Variants in AKNAD1 observed in about 807,000 individuals in gnomAD.
AKNAD1 encodes protein AKNAD1.
A neutral mutation model predicts 90.8 loss-of-function variants in AKNAD1; 67 were observed. The ratio of observed to expected loss-of-function variants is 0.74; its 90% CI spans 0.61 to 0.90. AKNAD1 has a LOEUF of 0.90. AKNAD1 is among the 40% of genes least tolerant of loss of function. The pLI is 0.00. For synonymous variants in AKNAD1, 327 were observed against 341.4 expected (o/e 0.96, Z 0.46); for missense variants, 957 against 975.4 (o/e 0.98, Z 0.25).
chr1:108,830,518 C>G, intron 10 of AKNAD1, 41 bp downstream of exon 10: 1 of 1,596,244 alleles, frequency 6.3e-7, no homozygotes, highest in Non-Finnish European at 8.6e-7. Flanking sequence ...CCAGGACTGA[C>G]TCCAATCCAC....
chr1:108,833,902 T>C (rs1181389927), intron 9 of AKNAD1, among the ~76,000 whole-genome samples: 1 of 151,980 alleles, frequency 6.6e-6, no homozygotes, highest in Non-Finnish European at 1.5e-5. Flanking sequence ...AAACTACTCT[T>C]CCTCTGCAAA....
chr1:108,835,032 G>A lies in AKNAD1; in HGVS notation c.1561C>T (p.Pro521Ser). ...CCACCTGAGCCTCGAGGCCCAGAAG[G>A]GTGGCCGGGGTGCTCCTTGGGAATC... ...NEIPKEHPGH[P>S]SGPRGSGGSE... is the part of the protein sequence containing the mutation. Residue 521 changes from proline to serine, a missense_variant, in exon 8 of 16, where the codon CCT becomes TCT. Pro to Ser is a moderately conservative substitution (Grantham distance 74, BLOSUM62 -1). Coordinates refer to ENST00000370001, the MANE Select transcript of AKNAD1 (RefSeq NM_152763.5). 1 of 1,572,482 alleles carries A rather than the reference G, an allele frequency of 6.4e-7. No homozygotes were observed. The highest frequency in any genetic ancestry group is 8.6e-7 in the Non-Finnish European group (1 of 1,165,216).
At chr1:108,853,655 C>T (rs932706894) in intron 1 of AKNAD1, among the ~76,000 whole-genome samples, 3 of 151,644 alleles carry the variant, frequency 2.0e-5, no homozygotes, top group South Asian at 2.1e-4. Context: ...ACCAAGGGGC[C>T]GGGCACGGTG....
intron 10 of AKNAD1, among the ~76,000 whole-genome samples, chr1:108,828,987 T>C (rs1036600067): frequency 2.6e-5 from 4 of 151,854 alleles, no homozygotes; most frequent in Non-Finnish European, 5.9e-5. Flanking sequence ...ATATTTTACA[T>C]TTTATACATA....
chr1:108,829,488 A>T (rs1664113935), intron 10 of AKNAD1, among the ~76,000 whole-genome samples: 2 of 152,230 alleles, frequency 1.3e-5, no homozygotes, highest in African/African-American at 4.8e-5. Context: ...TAAAAATAGT[A>T]GGCCTGGGAT....
chr1:108,837,747 G>A (rs1211385844), intron 6 of AKNAD1, 41 bp from the exon 7 acceptor site: 1 of 1,599,308 alleles, frequency 6.3e-7, no homozygotes, highest in Non-Finnish European at 8.5e-7. Context: ...TGGGCTATGT[G>A]GTTGGCATTC....
intron 13 of AKNAD1, among the ~76,000 whole-genome samples, chr1:108,821,686 A>G (rs1663816931): frequency 6.6e-6 from 1 of 152,214 alleles, no homozygotes; most frequent in African/African-American, 2.4e-5. Flanking sequence ...ATTATGTTAC[A>G]AAGACAATTC....
intron 13 of AKNAD1, among the ~76,000 whole-genome samples, chr1:108,821,048 C>T: frequency 6.6e-6 from 1 of 152,184 alleles, no homozygotes; most frequent in East Asian, 1.9e-4. Context: ...GATCACATCA[C>T]TGCCCTCCAG....
intron 14 of AKNAD1, among the ~76,000 whole-genome samples, chr1:108,819,566 GC>G (rs1663744252): frequency 6.6e-6 from 1 of 151,858 alleles, no homozygotes; most frequent in Non-Finnish European, 1.5e-5. Context: ...GCTGCAGTGA[GC>G]CAAGATTGCA....
At chr1:108,854,369 T>C (rs1280960536) in intron 1 of AKNAD1, among the ~76,000 whole-genome samples, 2 of 152,172 alleles carry the variant, frequency 1.3e-5, no homozygotes, top group Non-Finnish European at 2.9e-5. Context: ...GCCCATACAA[T>C]GATTATGTTG....
chr1:108,837,857 T>C, intron 6 of AKNAD1, 151 bp from the exon 7 acceptor site: 2 of 852,576 alleles, frequency 2.3e-6, no homozygotes, highest in Non-Finnish European at 3.7e-6. Flanking sequence ...TGACTGTTCA[T>C]AGTTTCTCTG....
chr1:108,852,804 T>C (rs1337688926), intron 1 of AKNAD1, 37 bp from the exon 2 acceptor site: 1 of 712,260 alleles, frequency 1.4e-6, no homozygotes, highest in Non-Finnish European at 2.1e-6. Flanking sequence ...GTTAAATATA[T>C]TGGAATAATG....
chr1:108,834,900 T>C (rs1664331667), intron 8 of AKNAD1, 29 bp downstream of exon 8: 1 of 1,509,456 alleles, frequency 6.6e-7, no homozygotes, highest in East Asian at 2.5e-5. Flanking sequence ...GTGTCCTGTG[T>C]CTGCTGGGGC....
chr1:108,851,090 G>T (rs1664842890), intron 2 of AKNAD1, among the ~76,000 whole-genome samples: 2 of 152,220 alleles, frequency 1.3e-5, no homozygotes, highest in African/African-American at 4.8e-5. Context: ...TTAGGCAATG[G>T]AAAGGCGAAG....
chr1:108,830,527 A>G (rs778045627), intron 10 of AKNAD1, 32 bp downstream of exon 10: 7 of 1,606,178 alleles, frequency 4.4e-6, no homozygotes, highest in African/African-American at 4.0e-5. Context: ...ACTCCAATCC[A>G]CCCTGGGAAT....
intron 14 of AKNAD1, among the ~76,000 whole-genome samples, chr1:108,817,706 C>T (rs368698318): frequency 1.3e-5 from 2 of 151,336 alleles, no homozygotes; most frequent in Non-Finnish European, 2.9e-5. Flanking sequence ...GGGGTTTCAC[C>T]GTGTTAGCCA....
At chr1:108,856,443 T>C (rs1665043728) in intron 1 of AKNAD1, among the ~76,000 whole-genome samples, 2 of 152,124 alleles carry the variant, frequency 1.3e-5, no homozygotes, top group Non-Finnish European at 2.9e-5. Flanking sequence ...CTCATGCCTG[T>C]AATCTCAGCA....
At chr1:108,844,861 C>A (rs917765702) in intron 5 of AKNAD1, among the ~76,000 whole-genome samples, 18 of 151,650 alleles carry the variant, frequency 1.2e-4, no homozygotes, top group Non-Finnish European at 2.6e-4. Flanking sequence ...CTCTGTCACC[C>A]AGGCTGGAGT....
intron 14 of AKNAD1, among the ~76,000 whole-genome samples, chr1:108,819,004 G>A (rs567740558): frequency 4.7e-5 from 7 of 150,374 alleles, no homozygotes; most frequent in African/African-American, 9.8e-5. Flanking sequence ...CAAAGGTCAC[G>A]TTCTTAAACA....
Sources: gnomAD v4.1 joint callset for allele counts (sites outside exome capture counted in the v4.1 genomes callset) on GRCh38, gnomAD v4.1.1 for gene constraint, MANE v1.5 for transcripts, NCBI Gene and HGNC (gene_info 2026-07-23, HGNC 2026-07-21) for gene names.